Variants in ZBTB7C observed in about 807,000 individuals in gnomAD.
ZBTB7C encodes zinc finger and BTB domain-containing protein 7C.
A neutral mutation model predicts 25.7 loss-of-function variants in ZBTB7C; 8 were observed. The ratio of observed to expected loss-of-function variants is 0.31; its 90% confidence interval spans 0.18 to 0.56. The LOEUF (loss-of-function observed/expected upper bound fraction) is 0.56, where lower values mean the gene tolerates loss of function less well. Among genes scored for constraint, ZBTB7C ranks in the 20% least tolerant of loss-of-function variants. ZBTB7C has a pLI of 0.91. For missense variants in ZBTB7C, 824 were observed against 855.2 expected, an observed-to-expected ratio of 0.96 and a Z score of 0.46; for synonymous variants, 394 against 369.0, an observed-to-expected ratio of 1.07 and a Z score of -0.78.
intron 2 of ZBTB7C, among the ~76,000 whole-genome samples, chr18:48,309,302 A>G (rs1227862300): frequency 6.6e-6 from 1 of 152,134 alleles, no homozygotes; most frequent in Non-Finnish European, 1.5e-5. Context: ...TAATTTGCAT[A>G]TGCCTATTTG....
At chr18:48,354,062 C>A (rs1260849058) in intron 1 of ZBTB7C, among the ~76,000 whole-genome samples, 7 of 152,210 alleles carry the variant, frequency 4.6e-5, no homozygotes, top group African/African-American at 1.4e-4. Context: ...TTTCTCAGAT[C>A]CTCATTCAAC....
intron 3 of ZBTB7C, among the ~76,000 whole-genome samples, chr18:48,082,812 C>A (rs2038042859): frequency 6.6e-6 from 1 of 152,130 alleles, no homozygotes; most frequent in African/African-American, 2.4e-5. Context: ...GAGCAGGTTG[C>A]TTTGATGGAG....
chr18:48,210,824 C>A (rs761722490), intron 2 of ZBTB7C, among the ~76,000 whole-genome samples: 7 of 151,974 alleles, frequency 4.6e-5, no homozygotes, highest in Non-Finnish European at 1.0e-4. Flanking sequence ...AATTATATAT[C>A]AATTAAACTG....
At chr18:48,301,726 G>T (rs2045549935) in intron 2 of ZBTB7C, among the ~76,000 whole-genome samples, 1 of 152,176 alleles carries the variant, frequency 6.6e-6, no homozygotes, top group Non-Finnish European at 1.5e-5. Flanking sequence ...GGCATTGGGG[G>T]TTCTCTGCAG....
At position 48,113,042 on chromosome 18, in the gene ZBTB7C, C is replaced by T. The variant is rs1002646098; in HGVS notation, c.-16-71919G>A. Among the ~76,000 whole-genome samples the T allele has an allele frequency of 3.3e-5, 5 of 152,316 alleles. No homozygotes were observed. In the South Asian group the frequency reaches 6.2e-4, roughly 19 times the overall value. ...GTGTGGAGAACCCAACTTTGATTAC[C>T]TATCACAGGAAAATCTGCCCACACA... On this transcript the variant is annotated intron_variant, in intron 3 of 4. Transcript: ENST00000590800.
At chr18:48,142,420 G>C (rs542893145) in intron 3 of ZBTB7C, among the ~76,000 whole-genome samples, 2 of 152,326 alleles carry the variant, frequency 1.3e-5, no homozygotes, top group South Asian at 4.1e-4. Context: ...AGGGTGCTGG[G>C]TTGTTCTCTC....
chr18:48,247,080 A>T (rs1191544892), intron 2 of ZBTB7C, among the ~76,000 whole-genome samples: 1 of 152,234 alleles, frequency 6.6e-6, no homozygotes, highest in Non-Finnish European at 1.5e-5. Flanking sequence ...CAGGAAAAGC[A>T]TCTTATAATT....
rs564751831 is a variant in ZBTB7C at position 48,068,225 on chromosome 18, GC to G, written c.-16-27103del. On this transcript the variant is annotated intron_variant, in intron 3 of 4. Transcript: ENST00000590800. The stretch of plus-strand genomic sequence containing the variant: ...GCAACCTCGGCTCACTGCAGGCTCC[GC>G]CTCCCGGGTTCACACCATTCTCTTG... Among the ~76,000 whole-genome samples the G allele has an allele frequency of 6.5e-4, 94 of 144,662 alleles. 1 individual carries two copies. The East Asian group carries it at 8.4e-3, about 13-fold the overall frequency. The allele number at this position is 144,662 out of a possible 152,430, so 94.9% of individuals were successfully genotyped here.
chr18:48,375,772 T>C (rs992984453), intron 1 of ZBTB7C: 3 of 152,160 alleles, frequency 2.0e-5, no homozygotes, highest in African/African-American at 4.8e-5. Flanking sequence ...GCTCCTGCTA[T>C]GAGATTTGCA....
At chr18:48,293,957 T>G (rs1257665343) in intron 2 of ZBTB7C, among the ~76,000 whole-genome samples, 1 of 152,156 alleles carries the variant, frequency 6.6e-6, no homozygotes, top group African/African-American at 2.4e-5. Context: ...AACAATGAAA[T>G]GAACAAGCTG....
chr18:48,347,338 C>T (rs958623805), intron 1 of ZBTB7C, among the ~76,000 whole-genome samples: 5 of 152,084 alleles, frequency 3.3e-5, no homozygotes, highest in African/African-American at 4.8e-5. Context: ...CACTCCCAGC[C>T]GTGATCCCCA....
intron 2 of ZBTB7C, among the ~76,000 whole-genome samples, chr18:48,209,084 G>GA (rs2042644075): frequency 6.6e-6 from 1 of 152,228 alleles, no homozygotes; most frequent in African/African-American, 2.4e-5. Flanking sequence ...TATTTATAGA[G>GA]AAATGGATAT....
At chr18:48,322,242 G>T (rs1242312257) in intron 2 of ZBTB7C, among the ~76,000 whole-genome samples, 2 of 152,112 alleles carry the variant, frequency 1.3e-5, no homozygotes, top group Non-Finnish European at 2.9e-5. Flanking sequence ...TGACACTCTG[G>T]GCTGCTGTGT....
intron 3 of ZBTB7C, among the ~76,000 whole-genome samples, chr18:48,151,035 G>T (rs891531984): frequency 2.6e-5 from 4 of 152,178 alleles, no homozygotes; most frequent in Admixed American, 2.6e-4. Context: ...GATCTCTAAG[G>T]ATGCATGCTG....
intron 3 of ZBTB7C, among the ~76,000 whole-genome samples, chr18:48,051,990 A>G (rs146484018): frequency 1.3e-3 from 203 of 152,358 alleles, no homozygotes; most frequent in African/African-American, 4.4e-3. Flanking sequence ...TTCAAAATAA[A>G]GGATTTACTA....
chr18:48,056,617 A>G (rs2036924388), intron 3 of ZBTB7C, among the ~76,000 whole-genome samples: 1 of 152,194 alleles, frequency 6.6e-6, no homozygotes, highest in Non-Finnish European at 1.5e-5. Flanking sequence ...ATAAAGGTGG[A>G]ATTTCAATTT....
intron 2 of ZBTB7C, among the ~76,000 whole-genome samples, chr18:48,335,932 C>T (rs1388748194): frequency 6.6e-6 from 1 of 152,168 alleles, no homozygotes; most frequent in Non-Finnish European, 1.5e-5. Context: ...ACACACGTGG[C>T]TTGCATCTGA....
intron 3 of ZBTB7C, among the ~76,000 whole-genome samples, chr18:48,102,300 G>A (rs1010211279): frequency 1.3e-5 from 2 of 152,130 alleles, no homozygotes; most frequent in Non-Finnish European, 1.5e-5. Context: ...GCAGTGGCTC[G>A]CAGCTGTAGT....
intron 2 of ZBTB7C, among the ~76,000 whole-genome samples, chr18:48,319,404 C>G (rs1001980459): frequency 6.6e-6 from 1 of 152,184 alleles, no homozygotes; most frequent in African/African-American, 2.4e-5. Flanking sequence ...AAACACTCAG[C>G]AGAGTGCCTC....
Sources: gnomAD v4.1 joint callset for allele counts (sites outside exome capture counted in the v4.1 genomes callset) on GRCh38, gnomAD v4.1.1 for gene constraint, MANE v1.5 for transcripts, NCBI Gene and HGNC (gene_info 2026-07-23, HGNC 2026-07-21) for gene names.